The following DPH6 variants were observed in gnomAD, a reference collection of about 807,000 sequenced individuals.
DPH6 encodes the protein diphthine--ammonia ligase.
In DPH6, 33 loss-of-function variants were observed where a neutral mutation model predicts 38.2. The ratio of observed to expected loss-of-function variants is 0.86; its 90% CI spans 0.65 to 1.15. The LOEUF (loss-of-function observed/expected upper bound fraction) is 1.15. Ranked by LOEUF, DPH6 falls within the 50% of genes most tolerant of loss-of-function variation. The pLI, the probability that DPH6 is intolerant of heterozygous loss-of-function variation, is 0.00. For missense variants in DPH6, 325 were observed against 320.0 expected (o/e 1.02, Z -0.12); for synonymous variants, 108 against 103.0 (o/e 1.05, Z -0.30).
the DPH6 span, among the ~76,000 whole-genome samples, chr15:35,147,731 G>A: frequency 6.6e-6 from 1 of 152,208 alleles, no homozygotes; most frequent in Non-Finnish European, 1.5e-5. Flanking sequence ...TGTGGGTAGA[G>A]TGAGTACTTG....
intron 3 of DPH6, among the ~76,000 whole-genome samples, chr15:35,351,671 ATACTT>A (rs1240637427): frequency 6.6e-6 from 1 of 151,192 alleles, no homozygotes; most frequent in African/African-American, 2.4e-5. Context: ...AAGTTACTCT[ATACTT>A]TACTCCTCCC....
At chr15:35,490,865 C>T (rs2054467047) in intron 3 of DPH6, among the ~76,000 whole-genome samples, 1 of 152,040 alleles carries the variant, frequency 6.6e-6, no homozygotes, top group Admixed American at 6.6e-5. Context: ...GTTTATTCAG[C>T]TCAAGGTTCT....
intron 5 of DPH6, among the ~76,000 whole-genome samples, chr15:35,418,322 T>C (rs923082437): frequency 1.3e-5 from 2 of 152,168 alleles, no homozygotes; most frequent in African/African-American, 4.8e-5. Flanking sequence ...ATAGGATCCA[T>C]GATGATGTTA....
intron 5 of DPH6, among the ~76,000 whole-genome samples, chr15:35,414,291 A>G (rs2053408743): frequency 6.6e-6 from 1 of 151,624 alleles, no homozygotes; most frequent in Non-Finnish European, 1.5e-5. Context: ...TTTAGTTGCA[A>G]TATATTACTT....
At chr15:35,362,347 G>A (rs1429312300) in intron 3 of DPH6, among the ~76,000 whole-genome samples, 1 of 152,088 alleles carries the variant, frequency 6.6e-6, no homozygotes, top group East Asian at 1.9e-4. Context: ...AAACATGTCA[G>A]TTCTGTCAGC....
chr15:35,326,218 T>A (rs2140852918), downstream of DPH6, among the ~76,000 whole-genome samples: 1 of 152,296 alleles, frequency 6.6e-6, no homozygotes, highest in African/African-American at 2.4e-5. Flanking sequence ...AACTTTTTCA[T>A]ATCCACACAT....
intron 3 of DPH6, among the ~76,000 whole-genome samples, chr15:35,502,788 T>G (rs957766643): frequency 1.3e-5 from 2 of 151,344 alleles, no homozygotes; most frequent in Admixed American, 6.6e-5. Context: ...TGTTTTCAAT[T>G]CATTTAAGTA....
chr15:35,149,824 A>G, the DPH6 span, among the ~76,000 whole-genome samples: 1 of 152,258 alleles, frequency 6.6e-6, no homozygotes, highest in Non-Finnish European at 1.5e-5. Context: ...AGTATTCTGC[A>G]ATAGACTACA....
At chr15:35,520,071 G>A (rs935833791) in intron 3 of DPH6, 1 of 156,540 alleles carries the variant, frequency 6.4e-6, no homozygotes, top group African/African-American at 2.4e-5. Flanking sequence ...ACTGAATGTG[G>A]CACCTCATGC....
chr15:35,225,733 AC>A (rs2051476063), intron 3 of DPH6, among the ~76,000 whole-genome samples: 1 of 152,226 alleles, frequency 6.6e-6, no homozygotes, highest in Non-Finnish European at 1.5e-5. Context: ...GCTTGCTGTC[AC>A]TGGTGTGTTA....
intron 5 of DPH6, among the ~76,000 whole-genome samples, chr15:35,440,707 T>G (rs895521689): frequency 6.6e-6 from 1 of 152,184 alleles, no homozygotes; most frequent in Admixed American, 6.5e-5. Flanking sequence ...TGCAACAGAC[T>G]GGGGGTCTGC....
At chr15:35,488,323 AT>A (rs1259139084) in intron 3 of DPH6, among the ~76,000 whole-genome samples, 4 of 152,022 alleles carry the variant, frequency 2.6e-5, no homozygotes, top group Non-Finnish European at 4.4e-5. Flanking sequence ...CCTGGTACCA[AT>A]TTTCTCTATT....
rs186517573 is a variant in DPH6 at position 35,411,758 on chromosome 15, T to C, written c.506-862A>G. On this transcript the variant is annotated intron_variant, in intron 5 of 8. Coordinates refer to ENST00000256538, the MANE Select transcript of DPH6 (RefSeq NM_080650.4). ...GTTAATGTAATGAAAGGCAATACTA[T>C]AGAGCAAAGACAGTTTTGTCAACAA... 2.0e-5 allele frequency among the ~76,000 whole-genome samples: 3 copies of C among 151,904 alleles called. No individual in the cohort carries two copies. In the East Asian group the frequency reaches 5.8e-4, roughly 29 times the overall value.
the DPH6 span, among the ~76,000 whole-genome samples, chr15:35,173,904 C>T: frequency 1.3e-5 from 2 of 152,156 alleles, no homozygotes; most frequent in Non-Finnish European, 2.9e-5. Context: ...CACTGGTATG[C>T]CCCGTCACAC....
At chr15:35,425,625 C>G (rs1030287586) in intron 5 of DPH6, among the ~76,000 whole-genome samples, 4 of 149,772 alleles carry the variant, frequency 2.7e-5, no homozygotes, top group African/African-American at 9.8e-5. Flanking sequence ...ATATACATAT[C>G]TAATGTACAT....
At chr15:35,434,024 T>C (rs1256698192) in intron 5 of DPH6, among the ~76,000 whole-genome samples, 1 of 152,208 alleles carries the variant, frequency 6.6e-6, no homozygotes, top group Non-Finnish European at 1.5e-5. Context: ...ATAAATCAAC[T>C]GTCAGGGTAC....
the DPH6 span, among the ~76,000 whole-genome samples, chr15:35,163,971 A>G: frequency 6.6e-6 from 1 of 151,920 alleles, no homozygotes; most frequent in South Asian, 2.1e-4. Context: ...CACCTAAACC[A>G]GAAGCAATGT....
At chr15:35,419,171 T>A (rs1273885299) in intron 5 of DPH6, among the ~76,000 whole-genome samples, 2 of 151,934 alleles carry the variant, frequency 1.3e-5, no homozygotes, top group African/African-American at 4.8e-5. Flanking sequence ...AAAACTCGAA[T>A]TGTTTTGTGG....
chr15:35,391,176 T>C (rs1017661580), intron 6 of DPH6, among the ~76,000 whole-genome samples: 4 of 152,184 alleles, frequency 2.6e-5, no homozygotes, highest in African/African-American at 7.2e-5. Flanking sequence ...GAGCCACAAA[T>C]GCTGCTGCCT....
Sources: allele counts gnomAD v4.1 joint callset (sites outside exome capture counted in the v4.1 genomes callset), GRCh38; gene constraint gnomAD v4.1.1; transcripts MANE v1.5; gene names NCBI Gene and HGNC (gene_info 2026-07-23, HGNC 2026-07-21).